IPO11: variants seen among roughly 807,000 people sequenced by gnomAD.
IPO11 encodes importin-11.
IPO11 carries 66 observed loss-of-function variants against 143.2 expected under a neutral mutation model. The observed-to-expected ratio is 0.46, with a 90% CI of 0.38 to 0.57. The LOEUF is 0.57. IPO11 is among the 20% of genes least tolerant of loss of function. The probability of loss-of-function intolerance (pLI) is 0.00; values close to 1 mark genes in which losing one functional copy is unlikely to be tolerated. For missense variants in IPO11, 1,026 were observed against 1,141.0 expected, an observed-to-expected ratio of 0.90 and a Z score of 1.45; for synonymous variants, 385 against 377.8, an observed-to-expected ratio of 1.02 and a Z score of -0.22.
chr5:62,485,322 A>G (rs1008389796), intron 11 of IPO11, 97 bp from the exon 12 acceptor site: 13 of 955,508 alleles, frequency 1.4e-5, no homozygotes, highest in Admixed American at 3.9e-5. Context: ...TGTTATGTTT[A>G]AAAGAGTTCA....
chr5:62,605,206 A>G lies in IPO11; in HGVS notation c.2763+3358A>G, dbSNP rs114085538. Among the ~76,000 whole-genome samples the G allele has an allele frequency of 3.3e-3, 501 of 152,368 alleles. 3 individuals are homozygous for G. Among genetic ancestry groups the G allele is most frequent in the African/African-American group, 0.011 (477 of 41,592 alleles). ...TCGCTTACTGTCATTGTTGTCTTAA[A>G]GTAGTCCATAAAATGTGGTGTCTGT... On this transcript the variant is annotated intron_variant, in intron 29 of 29. Transcript: ENST00000325324.
intron 1 of IPO11, chr5:62,419,159 C>A (rs1232566168): frequency 1.3e-6 from 2 of 1,541,558 alleles, no homozygotes; most frequent in African/African-American, 2.7e-5. Context: ...CATGTCTAAA[C>A]TTAGAAAGGT....
At chr5:62,413,213 T>C (rs1743177843) in intron 1 of IPO11, among the ~76,000 whole-genome samples, 1 of 152,164 alleles carries the variant, frequency 6.6e-6, no homozygotes. Context: ...AGTGTACCCA[T>C]CGTGACCGCG....
intron 1 of IPO11, chr5:62,418,850 A>G: frequency 1.4e-6 from 1 of 720,686 alleles, no homozygotes; most frequent in South Asian, 2.3e-5. Flanking sequence ...TTGTCTCCTT[A>G]TTCTTATATG....
Position 62,627,405 on chromosome 5 carries a change from A to C in IPO11, c.*87A>C. On this transcript the variant is annotated 3_prime_UTR_variant, in exon 30 of 30. Transcript: ENST00000325324. ...TTGTATGTGAGAGCCTGCTGAGATG[A>C]AGAAATCACTTCATGAAAATAAGCA... 8.1e-7 allele frequency: 1 copy of C among 1,230,638 alleles called. No homozygotes were observed. Among genetic ancestry groups the C allele is most frequent in the South Asian group, 1.7e-5 (1 of 57,914 alleles). The allele number at this position is 1,230,638 out of a possible 1,614,324, so 76.2% of individuals were successfully genotyped here.
rs1167151074 is a variant in IPO11, at chr5:62,486,012, C to A, written c.1218+550C>A. ...TTTTTTTTTTTTTGAGACAGAATCT[C>A]ACTCTGTTGCCCAGGCTGGAGTGCA... On this transcript the variant is annotated intron_variant, in intron 12 of 29. Coordinates refer to ENST00000325324, the MANE Select transcript of IPO11 (RefSeq NM_016338.5). Among the ~76,000 whole-genome samples the A allele has an allele frequency of 3.6e-5, 5 of 140,816 alleles. No individual in the cohort carries two copies. In the East Asian group the frequency reaches 8.3e-4, roughly 23 times the overall value. 92.4% of individuals were successfully genotyped at this position (140,816 alleles called of 152,430 possible).
At chr5:62,560,448 C>T (rs539816371) in intron 26 of IPO11, among the ~76,000 whole-genome samples, 1 of 152,180 alleles carries the variant, frequency 6.6e-6, no homozygotes, top group Non-Finnish European at 1.5e-5. Context: ...AGCCCACTCA[C>T]ATTATCTAGG....
rs369338875 is a variant in IPO11, at chr5:62,515,450, A to C, written c.1845A>C (p.Glu615Asp). 1.2e-6 allele frequency: 2 copies of C among 1,611,308 alleles called. No individual in the cohort carries two copies. Among genetic ancestry groups the C allele is most frequent in the Non-Finnish European group, 1.7e-6 (2 of 1,179,006 alleles). Residue 615 changes from glutamate to aspartate, a missense_variant, in exon 20 of 30, where the codon GAA (glutamate) becomes GAC (aspartate). By Grantham distance (45) the Glu-to-Asp change is conservative. This residue lies in a region of IPO11 where 237 missense variants were observed against 288.0 expected (regional missense o/e 0.82). Coordinates refer to ENST00000325324, the MANE Select transcript of IPO11 (RefSeq NM_016338.5). Reference sequence around the variant, plus strand: ...CCCTCCTTTGGAAGCAGAGTGAAGAACACAATATGTTGAGATGTGCTATTT... The same window carrying C: ...CCCTCCTTTGGAAGCAGAGTGAAGACCACAATATGTTGAGATGTGCTATTT... Reference protein sequence around the residue: ...YLPLLWKQSEEHNMLRCAILT... With the variant: ...YLPLLWKQSEDHNMLRCAILT...
rs1744485192 is a variant in IPO11, at chr5:62,579,999, A to G, written c.2583-11578A>G. On this transcript the variant is annotated intron_variant, in intron 27 of 29. Coordinates refer to ENST00000325324, the MANE Select transcript of IPO11 (RefSeq NM_016338.5). ...TGGTTGCTCTTCGGATACTTGATTT[A>G]TCAAACAATAACATTTTGAGGATAT... The G allele has an allele frequency of 1.9e-6, 3 of 1,551,270 alleles. No individual in the cohort carries two copies. In the East Asian group the frequency reaches 7.3e-5, roughly 38 times the overall value.
intron 5 of IPO11, among the ~76,000 whole-genome samples, chr5:62,460,933 G>A (rs755015371): frequency 6.6e-6 from 1 of 152,188 alleles, no homozygotes; most frequent in Non-Finnish European, 1.5e-5. Flanking sequence ...GGAGCAGATA[G>A]GAGGTATACA....
intron 26 of IPO11, among the ~76,000 whole-genome samples, chr5:62,555,470 A>T (rs1340674601): frequency 6.9e-6 from 1 of 145,440 alleles, no homozygotes; most frequent in East Asian, 2.0e-4. Flanking sequence ...GTGCCACCAC[A>T]CCTGGCTAAT....
intron 27 of IPO11, among the ~76,000 whole-genome samples, chr5:62,567,472 CTAT>C (rs71590888): frequency 2.2e-5 from 3 of 133,740 alleles, no homozygotes; most frequent in Non-Finnish European, 3.1e-5. Flanking sequence ...GGAAAATTTT[CTAT>C]TATTATTATT....
intron 29 of IPO11, among the ~76,000 whole-genome samples, chr5:62,619,816 G>T (rs768585204): frequency 3.3e-5 from 5 of 151,068 alleles, no homozygotes; most frequent in African/African-American, 1.2e-4. Context: ...CCGAGATTGC[G>T]CCACTGCACT....
At position 62,507,998 on chromosome 5, in the gene IPO11, C is replaced by T. The variant is rs563566059; in HGVS notation, c.1782+1641C>T. Among the ~76,000 whole-genome samples, 8 of 151,642 alleles carry T rather than the reference C, an allele frequency of 5.3e-5. 1 individual carries two copies. The South Asian group carries it at 1.7e-3, about 32-fold the overall frequency. On this transcript the variant is annotated intron_variant, in intron 19 of 29. Coordinates refer to ENST00000325324, the MANE Select transcript of IPO11 (RefSeq NM_016338.5). ...AAAAAATATTTTCAGTTGTCTGATTCTTTTTTTTTCTACCTTAACCTCTGA... is the reference window on the plus strand; with the variant it reads ...AAAAAATATTTTCAGTTGTCTGATTTTTTTTTTTTCTACCTTAACCTCTGA...
intron 19 of IPO11, among the ~76,000 whole-genome samples, chr5:62,509,456 C>T (rs1741673161): frequency 6.6e-6 from 1 of 152,084 alleles, no homozygotes; most frequent in Non-Finnish European, 1.5e-5. Flanking sequence ...ACTCATAAGA[C>T]TATAATACTC....
chr5:62,430,010 G>A (rs550864535), intron 1 of IPO11, among the ~76,000 whole-genome samples: 1 of 152,204 alleles, frequency 6.6e-6, no homozygotes, highest in East Asian at 1.9e-4. Flanking sequence ...GCCCACCTTG[G>A]CCTCCCAAAG....
At chr5:62,624,025 C>T (rs891015822) in intron 29 of IPO11, among the ~76,000 whole-genome samples, 3 of 151,114 alleles carry the variant, frequency 2.0e-5, no homozygotes, top group Non-Finnish European at 4.4e-5. Context: ...TTCCTCCCCC[C>T]ACCGTTTTTT....
At chr5:62,626,218 C>G (rs892119954) in intron 29 of IPO11, among the ~76,000 whole-genome samples, 2 of 151,986 alleles carry the variant, frequency 1.3e-5, no homozygotes, top group Non-Finnish European at 1.5e-5. Flanking sequence ...TCAGTAGAGA[C>G]GGGGTTTCAC....
intron 26 of IPO11, among the ~76,000 whole-genome samples, chr5:62,559,916 C>CAAAAAAA (rs759468696): frequency 5.9e-5 from 1 of 17,054 alleles, no homozygotes; most frequent in East Asian, 2.4e-3. Context: ...AACTCTGTCT[C>CAAAAAAA]AAAAAAAAAA....
Sources: gnomAD v4.1 joint callset for allele counts (sites outside exome capture counted in the v4.1 genomes callset) on GRCh38, gnomAD v4.1.1 for gene constraint, gnomAD v4.1.1 regional missense constraint, MANE v1.5 for transcripts, NCBI Gene and HGNC (gene_info 2026-07-23, HGNC 2026-07-21) for gene names.